The following ADH1B variants were observed in gnomAD, a reference collection of about 807,000 sequenced individuals.
The protein encoded by ADH1B is all-trans-retinol dehydrogenase [NAD(+)] ADH1B.
In ADH1B, 29 loss-of-function variants were observed where a neutral mutation model predicts 34.6. The ratio of observed to expected loss-of-function variants is 0.84; its 90% CI spans 0.62 to 1.14. The LOEUF is 1.14. Ranked by LOEUF, ADH1B falls within the 50% of genes most tolerant of loss-of-function variation. ADH1B has a pLI of 0.00. For synonymous variants in ADH1B, 170 were observed against 175.5 expected (o/e 0.97, Z 0.25); for missense variants, 424 against 468.4 (o/e 0.91, Z 0.87).
At position 99,316,050 on chromosome 4, in the gene ADH1B, G is replaced by C. The variant is rs1312582223; in HGVS notation, c.415C>G (p.His139Asp). ...AAGGTGCTGGTGCCAAGGAAGTGGT[G>C]AATGGGCTTCCCCCTGCAGGTGAAC... ...RRFTCRGKPI[H>D]HFLGTSTFSQ... is the part of the protein sequence containing the mutation. The change falls in exon 5 of 9, where the codon CAC becomes GAC. Residue 139 changes from histidine (H) to aspartate (D), a missense_variant. Coordinates refer to ENST00000305046, the MANE Select transcript of ADH1B (RefSeq NM_000668.6). 2.5e-6 allele frequency: 4 copies of C among 1,614,198 alleles called. No individual in the cohort carries two copies. The highest frequency in any genetic ancestry group is 1.7e-5 in the Admixed American group (1 of 60,030).
rs1553912054 is a variant in ADH1B, at chr4:99,305,523, T to TAC, written c.*2315_*2316dup. 5.8e-5 allele frequency: 6 copies of TAC among 102,888 alleles called. No individual in the cohort carries two copies. The highest frequency in any genetic ancestry group is 1.7e-4 in the African/African-American group (4 of 23,328). 6.4% of individuals were successfully genotyped at this position (102,888 alleles called of 1,614,324 possible). A position where few individuals can be genotyped will look rare whatever the true frequency, so the allele number is the denominator to read the frequency against. On this transcript the variant is annotated 3_prime_UTR_variant, in exon 9 of 9. Coordinates refer to ENST00000305046, the MANE Select transcript of ADH1B (RefSeq NM_000668.6). The stretch of plus-strand genomic sequence containing the variant: ...ATACATATATATATATATATATATA[T>TAC]ACAATCACTTAACTATATGAACCAC...
At chr4:99,318,217 A>G in intron 2 of ADH1B, 33 bp from the exon 3 acceptor site, 1 of 1,612,348 alleles carries the variant, frequency 6.2e-7, no homozygotes, top group Non-Finnish European at 8.5e-7. Context: ...TCAGATTCAG[A>G]AAAGATTGTA....
intron 1 of ADH1B, 49 bp from the exon 2 acceptor site, chr4:99,318,935 G>T: frequency 6.4e-7 from 1 of 1,570,596 alleles, no homozygotes; most frequent in South Asian, 1.1e-5. Context: ...CACTCTTGAA[G>T]TCATAAGTTG....
chr4:99,311,804 C>T, intron 6 of ADH1B, 148 bp from the exon 7 acceptor site: 2 of 1,283,938 alleles, frequency 1.6e-6, no homozygotes, highest in Non-Finnish European at 2.1e-6. Flanking sequence ...CCCTTTTTTG[C>T]ACGGGATAGT....
chr4:99,308,113 C>A (rs1225933071), intron 8 of ADH1B, among the ~76,000 whole-genome samples: 1 of 152,086 alleles, frequency 6.6e-6, no homozygotes, highest in Non-Finnish European at 1.5e-5. Flanking sequence ...TTCAATTCTA[C>A]ATTAATTCTA....
At chr4:99,314,158 G>A (rs770039399) in intron 5 of ADH1B, 77 bp from the exon 6 acceptor site, 176 of 1,563,368 alleles carry the variant, frequency 1.1e-4, no homozygotes, top group Non-Finnish European at 1.4e-4. Context: ...AGTGCCATGC[G>A]TAGGTGTTTA....
intron 6 of ADH1B, 54 bp downstream of exon 6, chr4:99,313,767 A>G: frequency 6.2e-7 from 1 of 1,613,870 alleles, no homozygotes; most frequent in South Asian, 1.1e-5. Flanking sequence ...TGCTGCCTAA[A>G]TGCATCTTCC....
rs1288474763 is a variant in ADH1B at position 99,307,473 on chromosome 4, G to T, written c.*367C>A. 3 of 311,320 alleles carry T rather than the reference G, an allele frequency of 9.6e-6. No homozygotes were observed. Among genetic ancestry groups the T allele is most frequent in the African/African-American group, 6.8e-5 (3 of 44,278 alleles). The allele number at this position is 311,320 out of a possible 1,614,324, so 19.3% of individuals were successfully genotyped here. A position where few individuals can be genotyped will look rare whatever the true frequency, so the allele number is the denominator to read the frequency against. On this transcript the variant is annotated 3_prime_UTR_variant, in exon 9 of 9. Transcript: ENST00000305046. The stretch of plus-strand genomic sequence containing the variant: ...ATGGCCCAGCATGTGTATGTTCAGG[G>T]CAAGTAAAAGGGTCCCCTCCACTGG...
In ADH1B at chr4:99,305,662, T is replaced by C. The variant is rs1042716135; in HGVS notation, c.*2178A>G. 4 of 145,558 alleles carry C rather than the reference T, an allele frequency of 2.7e-5. No homozygotes were observed. Among genetic ancestry groups the C allele is most frequent in the Non-Finnish European group, 4.5e-5 (3 of 66,620 alleles). 9.0% of individuals were successfully genotyped at this position (145,558 alleles called of 1,614,324 possible). On this transcript the variant is annotated 3_prime_UTR_variant, in exon 9 of 9. Coordinates refer to ENST00000305046, the MANE Select transcript of ADH1B (RefSeq NM_000668.6). ...CCCCATAGTAAATTTTCTTTTTTCA[T>C]AGTGCATGATGCAGAAGGCTCCCAC...
chr4:99,313,064 T>C (rs1274748362), intron 6 of ADH1B, among the ~76,000 whole-genome samples: 1 of 151,590 alleles, frequency 6.6e-6, no homozygotes, highest in East Asian at 1.9e-4. Context: ...TTTCACTATG[T>C]CACCCAGGCT....
rs1733567055 is a variant in ADH1B, at chr4:99,305,079, T to G, written c.*2761A>C. On this transcript the variant is annotated 3_prime_UTR_variant, in exon 9 of 9. Coordinates refer to ENST00000305046, the MANE Select transcript of ADH1B (RefSeq NM_000668.6). ...CCTCTTCCACGAATTTCCATCATTG[T>G]TCATTTTCCTCTTTGGTTGTCTATT... 6.6e-6 allele frequency: 1 copy of G among 152,146 alleles called. No individual in the cohort carries two copies. The highest frequency in any genetic ancestry group is 1.5e-5 in the Non-Finnish European group (1 of 68,018). The allele number at this position is 152,146 out of a possible 1,614,324, so 9.4% of individuals were successfully genotyped here.
chr4:99,318,022 G>A (rs770743634), intron 3 of ADH1B, 24 bp downstream of exon 3: 1 of 1,612,854 alleles, frequency 6.2e-7, no homozygotes, highest in East Asian at 2.2e-5. Context: ...AACCACACGT[G>A]TTCCCTGAGT....
chr4:99,314,527 C>A (rs900375706), intron 5 of ADH1B: 3 of 166,244 alleles, frequency 1.8e-5, no homozygotes, highest in Non-Finnish European at 3.9e-5. Context: ...ACATACACAA[C>A]GGCAATATTT....
intron 6 of ADH1B, 141 bp downstream of exon 6, chr4:99,313,676 TAAAC>T (rs1381696035): frequency 1.2e-5 from 17 of 1,460,082 alleles, no homozygotes; most frequent in African/African-American, 5.7e-5. Flanking sequence ...TAACAAAAAT[TAAAC>T]AAGCCACATA....
At chr4:99,314,797 A>C (rs970689149) in intron 5 of ADH1B, 3 of 152,254 alleles carry the variant, frequency 2.0e-5, no homozygotes, top group Non-Finnish European at 1.5e-5. Flanking sequence ...CGTATGAGGC[A>C]ACTGAACAAG....
chr4:99,311,994 C>T (rs1238882194), intron 6 of ADH1B, among the ~76,000 whole-genome samples: 8 of 152,206 alleles, frequency 5.3e-5, no homozygotes, highest in African/African-American at 9.6e-5. Context: ...GTCCACTTGA[C>T]GGTCTCCCTC....
intron 1 of ADH1B, chr4:99,319,431 C>T (rs758454264): frequency 1.3e-5 from 2 of 159,636 alleles, no homozygotes; most frequent in East Asian, 1.8e-4. Flanking sequence ...CTCTCCACTA[C>T]TTCTGTGTGC....
intron 2 of ADH1B, 94 bp downstream of exon 2, chr4:99,318,691 A>C (rs1330231725): frequency 2.1e-5 from 25 of 1,163,558 alleles, no homozygotes; most frequent in Non-Finnish European, 3.1e-5. Context: ...ATCATATAAG[A>C]TATGCCTCTT....
chr4:99,318,882 A>T lies in ADH1B; in HGVS notation c.23T>A (p.Ile8Asn). MSTAGKV[I>N]KCKAAVLWEV... ...CCATAGCACAGCTGCTTTGCATTTGATTACCTAGAAAATCAAACAGAGAGA... is the reference window on the plus strand; with the variant it reads ...CCATAGCACAGCTGCTTTGCATTTGTTTACCTAGAAAATCAAACAGAGAGA... Residue 8 changes from isoleucine to asparagine, a missense_variant, in exon 2 of 9, where the codon ATC becomes AAC. Ile to Asn is a moderately radical substitution (Grantham distance 149). Transcript: ENST00000305046. 1 of 1,613,368 alleles carries T rather than the reference A, an allele frequency of 6.2e-7. No homozygotes were observed. The highest frequency in any genetic ancestry group is 1.3e-5 in the African/African-American group (1 of 75,006).
Sources: gnomAD v4.1 joint callset for allele counts (sites outside exome capture counted in the v4.1 genomes callset) on GRCh38, gnomAD v4.1.1 for gene constraint, MANE v1.5 for transcripts, NCBI Gene and HGNC (gene_info 2026-07-23, HGNC 2026-07-21) for gene names.